CACNA1A: variants seen among roughly 807,000 people sequenced by gnomAD.
The protein encoded by CACNA1A is calcium voltage-gated channel subunit alpha1 A.
A neutral mutation model predicts 262.4 loss-of-function variants in CACNA1A; 57 were observed. The observed-to-expected ratio is 0.22, with a 90% CI of 0.18 to 0.27. The LOEUF (loss-of-function observed/expected upper bound fraction) is 0.27. Ranked by LOEUF, CACNA1A falls within the 10% of genes least tolerant of loss-of-function variation. CACNA1A has a pLI of 1.00. For synonymous variants in CACNA1A, 1,431 were observed against 1,419.3 expected (o/e 1.01, Z -0.18); for missense variants, 2,526 against 3,562.8 (o/e 0.71, Z 7.41).
chr19:13,411,750 C>A (rs2060113549), intron 3 of CACNA1A, among the ~76,000 whole-genome samples: 2 of 151,942 alleles, frequency 1.3e-5, no homozygotes, highest in South Asian at 2.1e-4. Context: ...CTCACTTTGT[C>A]TCCCAGGCTG....
At chr19:13,497,509 A>T (rs1981723243) in intron 1 of CACNA1A, among the ~76,000 whole-genome samples, 1 of 45,318 alleles carries the variant, frequency 2.2e-5, no homozygotes, top group Non-Finnish European at 3.8e-5. Context: ...AAAAAAAAAA[A>T]AAAAAAAAAA....
intron 31 of CACNA1A, among the ~76,000 whole-genome samples, chr19:13,237,770 G>A (rs2055923917): frequency 6.6e-6 from 1 of 152,146 alleles, no homozygotes; most frequent in Non-Finnish European, 1.5e-5. Flanking sequence ...CTGCTGCCCT[G>A]ACCCCCATCC....
chr19:13,295,626 G>C (rs2057650036), intron 19 of CACNA1A, among the ~76,000 whole-genome samples: 1 of 151,972 alleles, frequency 6.6e-6, no homozygotes, highest in Middle Eastern at 3.4e-3. Context: ...CAAGTAGCTA[G>C]AACTACAGGC....
chr19:13,442,429 A>C (rs1180621383), intron 3 of CACNA1A, among the ~76,000 whole-genome samples: 1 of 152,222 alleles, frequency 6.6e-6, no homozygotes, highest in East Asian at 1.9e-4. Context: ...CTGTGATGCC[A>C]GAGACTGCCC....
At chr19:13,495,745 C>A (rs929833374) in intron 1 of CACNA1A, among the ~76,000 whole-genome samples, 2 of 152,010 alleles carry the variant, frequency 1.3e-5, no homozygotes, top group Admixed American at 1.3e-4. Flanking sequence ...CAACATCCAC[C>A]CATCCACCCA....
At chr19:13,265,074 C>T (rs1229223608) in intron 24 of CACNA1A, among the ~76,000 whole-genome samples, 2 of 152,078 alleles carry the variant, frequency 1.3e-5, no homozygotes, top group African/African-American at 2.4e-5. Flanking sequence ...AGGGTTTCAC[C>T]GTGTTGGCCA....
At chr19:13,278,783 G>T (rs758516302) in intron 22 of CACNA1A, among the ~76,000 whole-genome samples, 1 of 152,176 alleles carries the variant, frequency 6.6e-6, no homozygotes, top group Non-Finnish European at 1.5e-5. Flanking sequence ...GGAGGAGCTG[G>T]GCTCTGTGAT....
chr19:13,415,556 C>A (rs1415105648), intron 3 of CACNA1A, among the ~76,000 whole-genome samples: 1 of 151,596 alleles, frequency 6.6e-6, no homozygotes, highest in Non-Finnish European at 1.5e-5. Flanking sequence ...GCCTGGCCAA[C>A]ATGGCAAAAC....
chr19:13,283,756 T>C (rs1341418958), intron 21 of CACNA1A: 1 of 176,806 alleles, frequency 5.7e-6, no homozygotes, highest in East Asian at 1.5e-4. Context: ...CCAAACAATA[T>C]TGTGAATCTA....
At chr19:13,499,323 G>A (rs1568711946) in intron 1 of CACNA1A, among the ~76,000 whole-genome samples, 1 of 152,024 alleles carries the variant, frequency 6.6e-6, no homozygotes, top group African/African-American at 2.4e-5. Flanking sequence ...AATGGGTCAA[G>A]TGGCCACGAA....
At chr19:13,448,718 T>C (rs2060861297) in intron 3 of CACNA1A, among the ~76,000 whole-genome samples, 1 of 152,112 alleles carries the variant, frequency 6.6e-6, no homozygotes, top group African/African-American at 2.4e-5. Context: ...AGAAACTCAC[T>C]TGGGAGAAAG....
chr19:13,344,221 C>CAAAAAAAAAA (rs35162704), intron 6 of CACNA1A, among the ~76,000 whole-genome samples: 15 of 121,296 alleles, frequency 1.2e-4, no homozygotes, highest in South Asian at 2.6e-4. Flanking sequence ...CTCAAAAAAG[C>CAAAAAAAAAA]AAAAAAAAAA....
intron 3 of CACNA1A, among the ~76,000 whole-genome samples, chr19:13,442,637 C>T (rs543019141): frequency 6.6e-6 from 1 of 152,290 alleles, no homozygotes; most frequent in South Asian, 2.1e-4. Context: ...AGTTTTACTC[C>T]CTTTTTCCAG....
At chr19:13,361,064 T>A (rs1237661859) in intron 5 of CACNA1A, among the ~76,000 whole-genome samples, 1 of 152,190 alleles carries the variant, frequency 6.6e-6, no homozygotes, top group Non-Finnish European at 1.5e-5. Context: ...GACAAATTTG[T>A]CAAGCGCATT....
chr19:13,402,873 C>CAT (rs71170507), intron 3 of CACNA1A, among the ~76,000 whole-genome samples: 2,517 of 72,268 alleles, frequency 0.035, 81 homozygotes, highest in Middle Eastern at 0.058. Context: ...CACACACACA[C>CAT]ATATATATAT....
chr19:13,227,599 A>G, intron 36 of CACNA1A, 72 bp from the exon 37 acceptor site: 6 of 725,614 alleles, frequency 8.3e-6, no homozygotes, highest in Non-Finnish European at 1.3e-5. Context: ...ACAGAGAACC[A>G]AAGGAAGAGA....
intron 3 of CACNA1A, among the ~76,000 whole-genome samples, chr19:13,414,361 C>T (rs1294732050): frequency 6.6e-6 from 1 of 152,156 alleles, no homozygotes; most frequent in Non-Finnish European, 1.5e-5. Context: ...GATTGCGCCA[C>T]TGCACTCCAG....
intron 1 of CACNA1A, among the ~76,000 whole-genome samples, chr19:13,503,048 A>G (rs1982574513): frequency 6.6e-6 from 1 of 152,148 alleles, no homozygotes; most frequent in Non-Finnish European, 1.5e-5. Context: ...ACTCCTATCT[A>G]AGAGAACTGT....
chr19:13,434,550 T>C (rs1270563347), intron 3 of CACNA1A, among the ~76,000 whole-genome samples: 2 of 152,012 alleles, frequency 1.3e-5, no homozygotes, highest in Admixed American at 6.6e-5. Context: ...CGTGAGTGAG[T>C]TCTTGTGAGA....
Sources: gnomAD v4.1 joint callset for allele counts (sites outside exome capture counted in the v4.1 genomes callset) on GRCh38, gnomAD v4.1.1 for gene constraint, MANE v1.5 for transcripts, NCBI Gene and HGNC (gene_info 2026-07-23, HGNC 2026-07-21) for gene names.